Variants in LARGE1 observed in about 807,000 individuals in gnomAD.
LARGE1 encodes LARGE xylosyl- and glucuronyltransferase 1.
Under a neutral mutation model 87.6 loss-of-function variants are expected in LARGE1, and 43 were observed. That is an observed-to-expected ratio of 0.49 (90% confidence interval 0.38 to 0.63). LARGE1 has a LOEUF of 0.63. Ranked by LOEUF, LARGE1 falls within the 30% of genes least tolerant of loss-of-function variation. The pLI, the probability that LARGE1 is intolerant of heterozygous loss-of-function variation, is 0.00. For missense variants in LARGE1, 802 were observed against 1,000.2 expected, an observed-to-expected ratio of 0.80 and a Z score of 2.67; for synonymous variants, 434 against 394.6, an observed-to-expected ratio of 1.10 and a Z score of -1.18.
chr22:33,891,501 G>A (rs1300951914), intron 1 of LARGE1, among the ~76,000 whole-genome samples: 3 of 151,640 alleles, frequency 2.0e-5, no homozygotes, highest in Non-Finnish European at 4.4e-5. Context: ...GTGCAGGAAG[G>A]AGAATGAGAA....
At chr22:33,095,943 G>T in the LARGE1 span, among the ~76,000 whole-genome samples, 1 of 152,120 alleles carries the variant, frequency 6.6e-6, no homozygotes, top group African/African-American at 2.4e-5. Context: ...TTTGGAGTAC[G>T]GGAGTCCAGC....
intron 6 of LARGE1, among the ~76,000 whole-genome samples, chr22:33,554,699 A>T (rs904323791): frequency 1.3e-5 from 2 of 152,088 alleles, no homozygotes; most frequent in Admixed American, 1.3e-4. Context: ...CACTTTTTAT[A>T]TCACCCCCAC....
At chr22:33,393,569 G>A (rs760736596) in intron 7 of LARGE1, among the ~76,000 whole-genome samples, 9 of 152,220 alleles carry the variant, frequency 5.9e-5, no homozygotes, top group Admixed American at 1.3e-4. Context: ...TTTGGAATGC[G>A]TGCCCCAAAT....
At chr22:33,692,541 C>T (rs2082126349) in intron 2 of LARGE1, among the ~76,000 whole-genome samples, 1 of 152,200 alleles carries the variant, frequency 6.6e-6, no homozygotes, top group African/African-American at 2.4e-5. Flanking sequence ...GAACTCCTGA[C>T]CTCAGGTGAT....
intron 6 of LARGE1, among the ~76,000 whole-genome samples, chr22:33,493,053 A>G (rs2069927581): frequency 6.6e-6 from 1 of 152,132 alleles, no homozygotes; most frequent in Non-Finnish European, 1.5e-5. Flanking sequence ...GTAAGTGAGA[A>G]GAGTAGCAGT....
chr22:33,305,472 T>C (rs2146181156), intron 11 of LARGE1: 2 of 428,620 alleles, frequency 4.7e-6, no homozygotes, highest in Non-Finnish European at 6.2e-6. Context: ...TAGAAGCGTC[T>C]GGTACATAAA....
chr22:33,668,978 T>C (rs1467253083), intron 2 of LARGE1, among the ~76,000 whole-genome samples: 1 of 152,220 alleles, frequency 6.6e-6, no homozygotes, highest in Admixed American at 6.5e-5. Flanking sequence ...AGCAGACCTC[T>C]GTCCTTCTGC....
chr22:33,580,376 GA>G (rs796177762), intron 5 of LARGE1, among the ~76,000 whole-genome samples: 1,795 of 134,070 alleles, frequency 0.013, 25 homozygotes, highest in African/African-American at 0.039. Context: ...CACAAAAAAA[GA>G]AAAAAAAAAA....
At position 33,413,393 on chromosome 22, in the gene LARGE1, A is replaced by G. The variant is rs112084271; in HGVS notation, c.892+18768T>C. On this transcript the variant is annotated intron_variant, in intron 7 of 14. Transcript: ENST00000397394. Reference sequence around the variant, plus strand: ...CCTACATATATTTTATATATATGCCATATGATATCCCTACCTCTCCCCCGA... The same window carrying G: ...CCTACATATATTTTATATATATGCCGTATGATATCCCTACCTCTCCCCCGA... Among the ~76,000 whole-genome samples, 5 of 151,864 alleles carry G rather than the reference A, an allele frequency of 3.3e-5. No individual in the cohort carries two copies. The East Asian group carries it at 9.6e-4, about 29-fold the overall frequency.
At chr22:33,426,142 G>A (rs187286017) in intron 7 of LARGE1, among the ~76,000 whole-genome samples, 1 of 152,270 alleles carries the variant, frequency 6.6e-6, no homozygotes, top group Admixed American at 6.5e-5. Context: ...CTGCAGGGCT[G>A]ATGATCAATT....
intron 6 of LARGE1, among the ~76,000 whole-genome samples, chr22:33,558,484 C>G (rs2077760072): frequency 1.3e-5 from 2 of 152,298 alleles, no homozygotes; most frequent in South Asian, 2.1e-4. Flanking sequence ...AAATTTCACA[C>G]AACCACTGTG....
intron 10 of LARGE1, among the ~76,000 whole-genome samples, chr22:33,324,769 A>T (rs1937093923): frequency 6.6e-6 from 1 of 152,224 alleles, no homozygotes. Context: ...GAGTGAGATT[A>T]TGGGGATAAC....
intron 2 of LARGE1, among the ~76,000 whole-genome samples, chr22:33,716,188 A>G (rs539255639): frequency 8.3e-4 from 126 of 152,320 alleles, no homozygotes; most frequent in Admixed American, 1.4e-3. Flanking sequence ...TTAGGAAATT[A>G]AAATACAGGA....
At chr22:33,534,263 G>A (rs566308782) in intron 6 of LARGE1, among the ~76,000 whole-genome samples, 115 of 152,244 alleles carry the variant, frequency 7.6e-4, no homozygotes, top group African/African-American at 2.7e-3. Context: ...AATTAGCCGG[G>A]CGTGGTGGTG....
At position 33,518,301 on chromosome 22, in the gene LARGE1, C is replaced by T. The variant is rs185925844; in HGVS notation, c.787+46547G>A. On this transcript the variant is annotated intron_variant, in intron 6 of 14. Coordinates refer to ENST00000397394, the MANE Select transcript of LARGE1 (RefSeq NM_133642.5). ...GTTAAATCAACAGCCCAAGGTCACA[C>T]GCCAGCAAATGGCAGACACAGGATT... Among the ~76,000 whole-genome samples the T allele has an allele frequency of 2.4e-3, 365 of 152,334 alleles. 3 individuals are homozygous for T. The highest frequency in any genetic ancestry group is 7.7e-3 in the African/African-American group (320 of 41,570).
intron 2 of LARGE1, among the ~76,000 whole-genome samples, chr22:33,722,536 A>C (rs1192807767): frequency 6.6e-6 from 1 of 152,194 alleles, no homozygotes; most frequent in East Asian, 1.9e-4. Flanking sequence ...CGTGTTGAGC[A>C]CCTATGATGT....
At chr22:33,845,951 T>C (rs2063418128) in intron 1 of LARGE1, among the ~76,000 whole-genome samples, 1 of 152,232 alleles carries the variant, frequency 6.6e-6, no homozygotes, top group East Asian at 1.9e-4. Context: ...CTTAACTTCA[T>C]CTAAAATCCA....
intron 6 of LARGE1, among the ~76,000 whole-genome samples, chr22:33,464,828 C>T (rs1192347157): frequency 1.3e-5 from 2 of 151,938 alleles, no homozygotes. Flanking sequence ...TATACACACA[C>T]ATGCACACAC....
chr22:33,098,179 A>G, the LARGE1 span, among the ~76,000 whole-genome samples: 9 of 152,254 alleles, frequency 5.9e-5, no homozygotes, highest in East Asian at 1.7e-3. Context: ...ATGGTGGCAC[A>G]TGACTGTAGT....
Sources: gnomAD v4.1 joint callset for allele counts (sites outside exome capture counted in the v4.1 genomes callset) on GRCh38, gnomAD v4.1.1 for gene constraint, MANE v1.5 for transcripts, NCBI Gene and HGNC (gene_info 2026-07-23, HGNC 2026-07-21) for gene names.